Variants in TOX2 observed in about 807,000 individuals in gnomAD.
TOX2 encodes the protein granulosa cell HMG box 1.
Under a neutral mutation model 47.4 loss-of-function variants are expected in TOX2, and 15 were observed. The ratio of observed to expected loss-of-function variants is 0.32; its 90% CI spans 0.21 to 0.49. The LOEUF (loss-of-function observed/expected upper bound fraction) is 0.49, where lower values mean the gene tolerates loss of function less well. Among genes scored for constraint, TOX2 ranks in the 20% least tolerant of loss-of-function variants. The pLI is 0.99. For synonymous variants in TOX2, 290 were observed against 296.6 expected (o/e 0.98, Z 0.23); for missense variants, 622 against 673.1 (o/e 0.92, Z 0.84).
At chr20:43,956,870 C>T (rs909861657) in intron 1 of TOX2, among the ~76,000 whole-genome samples, 21 of 152,086 alleles carry the variant, frequency 1.4e-4, no homozygotes, top group Non-Finnish European at 8.8e-5. Context: ...CTTAAGATAT[C>T]GCCTCTTGTG....
At chr20:44,060,962 C>T (rs1391590228) in intron 5 of TOX2, among the ~76,000 whole-genome samples, 1 of 151,962 alleles carries the variant, frequency 6.6e-6, no homozygotes, top group Non-Finnish European at 1.5e-5. Context: ...AAACAAAAAG[C>T]TGGTTCTTTG....
At chr20:43,961,476 G>A (rs2069756322) in intron 1 of TOX2, among the ~76,000 whole-genome samples, 2 of 152,198 alleles carry the variant, frequency 1.3e-5, no homozygotes, top group Non-Finnish European at 2.9e-5. Flanking sequence ...GAGCCACGCA[G>A]AGGCCTTACC....
chr20:43,945,937 G>T, intron 1 of TOX2: 4 of 1,613,710 alleles, frequency 2.5e-6, no homozygotes, highest in Non-Finnish European at 3.4e-6. Flanking sequence ...CACAGAGGCT[G>T]TCGCGGGCGC....
intron 2 of TOX2, among the ~76,000 whole-genome samples, chr20:43,989,471 T>C (rs570619530): frequency 7.2e-5 from 11 of 152,274 alleles, no homozygotes; most frequent in African/African-American, 2.4e-4. Context: ...AGCTAGGCTT[T>C]TTAATTTTAA....
intron 1 of TOX2, among the ~76,000 whole-genome samples, chr20:43,945,275 T>C (rs1000133547): frequency 1.3e-5 from 2 of 152,226 alleles, no homozygotes; most frequent in Non-Finnish European, 2.9e-5. Context: ...TACACCGTTA[T>C]TGTTTTTATA....
rs1277249932 is a variant in TOX2, at chr20:43,916,010, C to G, written c.99+1020C>G. The G allele has an allele frequency of 1.6e-6, 1 of 623,418 alleles. No individual in the cohort carries two copies. The highest frequency in any genetic ancestry group is 2.0e-6 in the Non-Finnish European group (1 of 499,190). The allele number at this position is 623,418 out of a possible 1,614,324, so 38.6% of individuals were successfully genotyped here. ...GGGTTGGGTGCCTCTAAGCAGTCCG[C>G]GTCCCCTTCGGTCGCCGGAGAGGGA... is the stretch of plus-strand genomic sequence containing the variant. On this transcript the variant is annotated intron_variant, in intron 1 of 8. Coordinates refer to ENST00000341197, the MANE Select transcript of TOX2 (RefSeq NM_001098797.2). The surrounding 1 kb of genome is among the most constrained non-coding windows in gnomAD (Gnocchi z 5.0).
At chr20:43,918,153 C>A (rs571663164) in intron 1 of TOX2, among the ~76,000 whole-genome samples, 2 of 152,278 alleles carry the variant, frequency 1.3e-5, no homozygotes, top group Non-Finnish European at 2.9e-5. Context: ...ACTCCTGGTT[C>A]AGATTTTGGC....
chr20:43,981,356 T>C (rs1457254944), intron 2 of TOX2, among the ~76,000 whole-genome samples: 1 of 152,228 alleles, frequency 6.6e-6, no homozygotes, highest in Middle Eastern at 3.2e-3. Flanking sequence ...CATTTTGATA[T>C]TGCTTTACTA....
intron 1 of TOX2, chr20:43,945,758 A>T (rs570961934): frequency 4.8e-4 from 537 of 1,113,648 alleles, no homozygotes; most frequent in Non-Finnish European, 6.5e-4. Context: ...GGATTTTGAT[A>T]AAAGAGGTTA....
chr20:44,041,948 G>A (rs1011626186), intron 3 of TOX2, among the ~76,000 whole-genome samples: 3 of 152,146 alleles, frequency 2.0e-5, no homozygotes, highest in African/African-American at 4.8e-5. Context: ...TCAATTATAC[G>A]GTGTATCCAT....
intron 3 of TOX2, among the ~76,000 whole-genome samples, chr20:44,019,065 T>A (rs1314825566): frequency 6.6e-6 from 1 of 152,148 alleles, no homozygotes; most frequent in African/African-American, 2.4e-5. Context: ...GTAGCAGGTG[T>A]CTGAAAAAGG....
rs1482972441 is a variant in TOX2 at position 44,065,727 on chromosome 20, G to A, written c.976G>A (p.Gly326Ser). 6.3e-7 allele frequency: 1 copy of A among 1,590,750 alleles called. No homozygotes were observed. Among genetic ancestry groups the A allele is most frequent in the African/African-American group, 1.3e-5 (1 of 74,668 alleles). ...SLVSKSSPDQGETKSTQANPP... is the reference protein window; with the variant it reads ...SLVSKSSPDQSETKSTQANPP... ...CTCCTTCCAGAGCTCCCCAGATCAA[G>A]GTGAGACCAAGAGCACTCAGGCAAA... Residue 326 changes from glycine (G) to serine (S), a missense_variant, in exon 7 of 9, where the codon GGT (glycine) becomes AGT (serine). This residue lies in a region of TOX2 where 294 missense variants were observed against 300.0 expected (regional missense o/e 0.98). Transcript: ENST00000341197.
intron 2 of TOX2, among the ~76,000 whole-genome samples, chr20:43,984,715 GT>G (rs938493466): frequency 6.6e-5 from 10 of 152,146 alleles, no homozygotes; most frequent in African/African-American, 2.2e-4. Context: ...TGCAGTGAAT[GT>G]TTATGGCATA....
chr20:43,944,424 T>A (rs1177060961), intron 1 of TOX2, among the ~76,000 whole-genome samples: 1 of 152,142 alleles, frequency 6.6e-6, no homozygotes, highest in East Asian at 1.9e-4. Flanking sequence ...GCTGGAAGGA[T>A]GAGAAGCAGT....
At chr20:44,040,373 T>C (rs538569407) in intron 3 of TOX2, among the ~76,000 whole-genome samples, 14 of 152,000 alleles carry the variant, frequency 9.2e-5, no homozygotes, top group African/African-American at 3.4e-4. Flanking sequence ...GGAGAGGTGG[T>C]TGGACAGTCA....
In TOX2 at chr20:43,952,717, A is replaced by C. The variant is rs1035935847; in HGVS notation, c.100-20650A>C. Among the ~76,000 whole-genome samples the C allele has an allele frequency of 5.9e-5, 9 of 152,308 alleles. No homozygotes were observed. In the East Asian group the frequency reaches 1.5e-3, roughly 26 times the overall value. ...GAAGGAGAGGAGAGCCAGATATTGG[A>C]GAGCAGTAGTAAAGTCTACCACAGC... On this transcript the variant is annotated intron_variant, in intron 1 of 8. Coordinates refer to ENST00000341197, the MANE Select transcript of TOX2 (RefSeq NM_001098797.2).
In TOX2 at chr20:43,988,060, C is replaced by T. The variant is rs760207973; in HGVS notation, c.165+14628C>T. 2.0e-5 allele frequency among the ~76,000 whole-genome samples: 3 copies of T among 151,828 alleles called. No individual in the cohort carries two copies. In the South Asian group the frequency reaches 6.2e-4, roughly 32 times the overall value. On this transcript the variant is annotated intron_variant, in intron 2 of 8. Transcript: ENST00000341197. ...TCAGCCTCCTGAGTAGCGGGGATTA[C>T]AGGCACATGCTACCACACCCAGCTA...
intron 3 of TOX2, among the ~76,000 whole-genome samples, chr20:44,044,306 G>T (rs1329559565): frequency 1.3e-5 from 2 of 151,928 alleles, no homozygotes; most frequent in African/African-American, 4.8e-5. Context: ...GGGATAGCAT[G>T]AGGAGATATA....
At chr20:44,010,125 A>G (rs1202450435) in intron 3 of TOX2, among the ~76,000 whole-genome samples, 1 of 152,244 alleles carries the variant, frequency 6.6e-6, no homozygotes, top group Non-Finnish European at 1.5e-5. Context: ...ATTTGACTGT[A>G]ACTGAATGGC....
Sources: gnomAD v4.1 joint callset for allele counts (sites outside exome capture counted in the v4.1 genomes callset) on GRCh38, gnomAD v4.1.1 for gene constraint, gnomAD v4.1.1 regional missense constraint, Gnocchi (gnomAD v3.1) non-coding constraint, MANE v1.5 for transcripts, NCBI Gene and HGNC (gene_info 2026-07-23, HGNC 2026-07-21) for gene names.